DDC: variants seen among roughly 807,000 people sequenced by gnomAD.
The protein encoded by DDC is aromatic-L-amino-acid decarboxylase.
In DDC, 43 loss-of-function variants were observed where a neutral mutation model predicts 60.0. The ratio of observed to expected loss-of-function variants is 0.72; its 90% CI spans 0.56 to 0.92. The LOEUF is 0.92. Among genes scored for constraint, DDC ranks in the 40% least tolerant of loss-of-function variants. DDC has a pLI of 0.00. For missense variants in DDC, 573 were observed against 620.2 expected (o/e 0.92, Z 0.81); for synonymous variants, 232 against 234.6 (o/e 0.99, Z 0.10).
Position 50,536,304 on chromosome 7 carries a change from T to C in DDC, c.435+1556A>G, listed in dbSNP as rs375738290. Among the ~76,000 whole-genome samples the C allele has an allele frequency of 5.3e-5, 8 of 152,288 alleles. No individual in the cohort carries two copies. In the South Asian group the frequency reaches 1.2e-3, roughly 24 times the overall value. Reference sequence around the variant, plus strand: ...CCCACCTTTCCAGACCAAACCAATGTACATCTTACATCTCATGTCCCCCTA... The same window carrying C: ...CCCACCTTTCCAGACCAAACCAATGCACATCTTACATCTCATGTCCCCCTA... On this transcript the variant is annotated intron_variant, in intron 4 of 14. Transcript: ENST00000444124.
chr7:50,531,640 AATG>A (rs2044213021), intron 4 of DDC: 1 of 151,858 alleles, frequency 6.6e-6, no homozygotes, highest in Non-Finnish European at 1.5e-5. Context: ...AAGTCAACAA[AATG>A]ATGTTTTAAA....
At chr7:50,477,472 C>T (rs1235741989) in intron 10 of DDC, 3 of 453,584 alleles carry the variant, frequency 6.6e-6, no homozygotes, top group Non-Finnish European at 1.3e-5. Flanking sequence ...TCAACAGGGG[C>T]TGTGGCAGGG....
At chr7:50,561,430 C>T (rs2045343064) in intron 1 of DDC, among the ~76,000 whole-genome samples, 1 of 152,144 alleles carries the variant, frequency 6.6e-6, no homozygotes. Flanking sequence ...AGTGCTCACT[C>T]TGGGTCTGCT....
chr7:50,522,368 C>A (rs2043917255), intron 6 of DDC, among the ~76,000 whole-genome samples: 1 of 152,172 alleles, frequency 6.6e-6, no homozygotes, highest in African/African-American at 2.4e-5. Flanking sequence ...AAATTCAATG[C>A]AATCCTATAT....
chr7:50,500,539 A>G (rs2043228884), intron 7 of DDC, among the ~76,000 whole-genome samples: 1 of 152,166 alleles, frequency 6.6e-6, no homozygotes, highest in Non-Finnish European at 1.5e-5. Flanking sequence ...GTGACTCCTC[A>G]GGGAGAAACT....
At chr7:50,565,144 C>G (rs1304913114) in intron 1 of DDC, 141 bp downstream of exon 1, 1 of 152,386 alleles carries the variant, frequency 6.6e-6, no homozygotes, top group Admixed American at 6.5e-5. Context: ...CAGCCTGCAG[C>G]AGAAGAGAAA....
At chr7:50,460,792 G>A (rs1460172698) in intron 14 of DDC, among the ~76,000 whole-genome samples, 1 of 151,704 alleles carries the variant, frequency 6.6e-6, no homozygotes, top group African/African-American at 2.4e-5. Context: ...TGTCCACTCA[G>A]GGTTAAATGG....
intron 9 of DDC, among the ~76,000 whole-genome samples, chr7:50,493,964 C>A (rs2043065724): frequency 6.6e-6 from 1 of 152,090 alleles, no homozygotes; most frequent in Non-Finnish European, 1.5e-5. Context: ...TTTTGCAAAG[C>A]CTTCTGAATA....
At chr7:50,520,971 AAAT>A (rs2043873768) in intron 6 of DDC, among the ~76,000 whole-genome samples, 1 of 151,904 alleles carries the variant, frequency 6.6e-6, no homozygotes, top group South Asian at 2.1e-4. Context: ...AAAAGAAAAG[AAAT>A]AATAAGAATT....
chr7:50,488,039 T>C (rs991341261), intron 9 of DDC, among the ~76,000 whole-genome samples: 1 of 152,148 alleles, frequency 6.6e-6, no homozygotes, highest in Non-Finnish European at 1.5e-5. Context: ...TACATTTATT[T>C]AACCTTAAGT....
rs530443071 is a variant in DDC, at chr7:50,475,132, G to A, written c.1041+1492C>T. ...TGCCATGAGAACCAGCTGCAATGTC[G>A]TTTGTACAGCACGTGGCCCTCATGC... is the stretch of plus-strand genomic sequence containing the variant. On this transcript the variant is annotated intron_variant, in intron 11 of 14. Coordinates refer to ENST00000444124, the MANE Select transcript of DDC (RefSeq NM_001082971.2). 3.9e-5 allele frequency among the ~76,000 whole-genome samples: 6 copies of A among 152,296 alleles called. No homozygotes were observed. The East Asian group carries it at 5.8e-4, about 15-fold the overall frequency.
chr7:50,482,851 A>C (rs145912409), intron 9 of DDC, among the ~76,000 whole-genome samples: 1 of 152,174 alleles, frequency 6.6e-6, no homozygotes, highest in Non-Finnish European at 1.5e-5. Flanking sequence ...GATGTAAAAA[A>C]ATGCAACCTT....
intron 6 of DDC, among the ~76,000 whole-genome samples, chr7:50,506,627 A>G (rs1278049598): frequency 6.6e-6 from 1 of 152,264 alleles, no homozygotes; most frequent in Non-Finnish European, 1.5e-5. Flanking sequence ...TCAGAAGCAC[A>G]GATAGTAAAA....
At chr7:50,490,510 A>C (rs1434110626) in intron 9 of DDC, among the ~76,000 whole-genome samples, 1 of 152,182 alleles carries the variant, frequency 6.6e-6, no homozygotes, top group Non-Finnish European at 1.5e-5. Context: ...CTCTACTAAA[A>C]ATACAAAAAA....
chr7:50,552,311 A>G (rs1006049170), intron 1 of DDC, among the ~76,000 whole-genome samples: 8 of 152,168 alleles, frequency 5.3e-5, no homozygotes, highest in Non-Finnish European at 1.2e-4. Flanking sequence ...CAGGCCCTTG[A>G]AATAGCTTCT....
At chr7:50,480,505 C>A (rs2042744314) in intron 9 of DDC, among the ~76,000 whole-genome samples, 1 of 152,202 alleles carries the variant, frequency 6.6e-6, no homozygotes, top group Non-Finnish European at 1.5e-5. Context: ...GAGTTTGTAG[C>A]CACGGTGGAC....
chr7:50,552,486 G>A (rs897624250), intron 1 of DDC, among the ~76,000 whole-genome samples: 1 of 152,152 alleles, frequency 6.6e-6, no homozygotes, highest in Admixed American at 6.5e-5. Context: ...CTGGCTCAAT[G>A]TCTTTTTGCA....
chr7:50,559,719 C>A (rs1047496944), intron 1 of DDC, among the ~76,000 whole-genome samples: 3 of 152,234 alleles, frequency 2.0e-5, no homozygotes, highest in African/African-American at 7.2e-5. Flanking sequence ...TGAGCCACTG[C>A]GCCCAGCCGC....
chr7:50,508,575 C>T (rs893613678), intron 6 of DDC, among the ~76,000 whole-genome samples: 5 of 152,210 alleles, frequency 3.3e-5, no homozygotes, highest in Non-Finnish European at 7.3e-5. Flanking sequence ...AAGCCCCAAG[C>T]CTGTTCATGG....
Sources: gnomAD v4.1 joint callset for allele counts (sites outside exome capture counted in the v4.1 genomes callset) on GRCh38, gnomAD v4.1.1 for gene constraint, MANE v1.5 for transcripts, NCBI Gene and HGNC (gene_info 2026-07-23, HGNC 2026-07-21) for gene names.